The following JARID2 variants were observed in gnomAD, a reference collection of about 807,000 sequenced individuals.
JARID2 encodes the protein protein Jumonji.
In JARID2, 21 loss-of-function variants were observed where a neutral mutation model predicts 125.6. That is an observed-to-expected ratio of 0.17 (90% CI 0.12 to 0.24). The LOEUF (loss-of-function observed/expected upper bound fraction) is 0.24. Among genes scored for constraint, JARID2 ranks in the 10% least tolerant of loss-of-function variants. JARID2 has a pLI of 1.00. For missense variants in JARID2, 1,303 were observed against 1,639.6 expected, an observed-to-expected ratio of 0.79 and a Z score of 3.55; for synonymous variants, 736 against 661.6, an observed-to-expected ratio of 1.11 and a Z score of -1.73.
chr6:15,305,176 A>G (rs1176749623), intron 1 of JARID2, among the ~76,000 whole-genome samples: 4 of 152,166 alleles, frequency 2.6e-5, no homozygotes, highest in African/African-American at 9.7e-5. Flanking sequence ...AATCTTGGCC[A>G]TGTAGCTGGT....
At chr6:15,428,944 A>ACCCC (rs1561857160) in intron 3 of JARID2, among the ~76,000 whole-genome samples, 18 of 144,800 alleles carry the variant, frequency 1.2e-4, no homozygotes, top group African/African-American at 4.5e-4. Flanking sequence ...CCCCCCCAAA[A>ACCCC]AAAAAAAAAA....
chr6:15,251,911 G>A (rs1371895246), intron 1 of JARID2, among the ~76,000 whole-genome samples: 2 of 152,160 alleles, frequency 1.3e-5, no homozygotes, highest in East Asian at 3.8e-4. Context: ...CCAGGAGGCG[G>A]AGGTTGCGGT....
chr6:15,250,311 T>C (rs762522659), intron 1 of JARID2, among the ~76,000 whole-genome samples: 1 of 152,194 alleles, frequency 6.6e-6, no homozygotes, highest in Non-Finnish European at 1.5e-5. Flanking sequence ...TATACAGTGG[T>C]TGGATTTATG....
At chr6:15,309,255 C>A (rs1761933934) in intron 1 of JARID2, among the ~76,000 whole-genome samples, 3 of 152,006 alleles carry the variant, frequency 2.0e-5, no homozygotes, top group Admixed American at 6.6e-5. Context: ...TCAGTTATTT[C>A]TTTTATGAAG....
intron 1 of JARID2, among the ~76,000 whole-genome samples, chr6:15,272,859 A>C (rs1386491536): frequency 6.6e-6 from 1 of 151,958 alleles, no homozygotes; most frequent in African/African-American, 2.4e-5. Context: ...TGTTGTTATG[A>C]TTTTGTTTAT....
At chr6:15,372,434 C>T (rs1764205485) in intron 1 of JARID2, among the ~76,000 whole-genome samples, 2 of 152,154 alleles carry the variant, frequency 1.3e-5, no homozygotes, top group African/African-American at 2.4e-5. Context: ...TCTTGGCTCA[C>T]TGCAACCTCC....
rs970180576 is a variant in JARID2 at position 15,501,997 on chromosome 6, C to T, written c.2448+588C>T. Among the ~76,000 whole-genome samples the T allele has an allele frequency of 2.0e-5, 3 of 152,226 alleles. No individual in the cohort carries two copies. In the East Asian group the frequency reaches 5.8e-4, roughly 29 times the overall value. On this transcript the variant is annotated intron_variant, in intron 8 of 17. Transcript: ENST00000341776. ...GTTTTCTCTGTTTTCTATCCGCTCA[C>T]CTCACTGCCAGCCCAGCGTTGCCAG...
At chr6:15,288,578 G>A (rs951945481) in intron 1 of JARID2, among the ~76,000 whole-genome samples, 3 of 152,058 alleles carry the variant, frequency 2.0e-5, no homozygotes, top group African/African-American at 7.2e-5. Context: ...CACAAGGGTG[G>A]GATTTTATAT....
chr6:15,504,974 T>C (rs2127751626), intron 9 of JARID2, among the ~76,000 whole-genome samples: 1 of 152,322 alleles, frequency 6.6e-6, no homozygotes, highest in Middle Eastern at 3.4e-3. Context: ...GTGCTTTTTC[T>C]TCTCTTCTAT....
At chr6:15,298,979 G>A (rs1001600677) in intron 1 of JARID2, among the ~76,000 whole-genome samples, 2 of 126,138 alleles carry the variant, frequency 1.6e-5, no homozygotes, top group South Asian at 5.4e-4. Context: ...AATGTGTTCT[G>A]AGAATGATTT....
chr6:15,324,489 TTTC>T (rs1417886950), intron 1 of JARID2: 6 of 152,190 alleles, frequency 3.9e-5, no homozygotes, highest in East Asian at 3.9e-4. Context: ...CCCCCTCCTT[TTTC>T]TTCTTCTTTT....
At chr6:15,439,358 A>G (rs947193420) in intron 3 of JARID2, among the ~76,000 whole-genome samples, 7 of 152,078 alleles carry the variant, frequency 4.6e-5, no homozygotes, top group Non-Finnish European at 8.8e-5. Context: ...ATGTCGTGCA[A>G]TTTATTCTCC....
At chr6:15,305,484 A>G (rs1429257658) in intron 1 of JARID2, among the ~76,000 whole-genome samples, 1 of 152,180 alleles carries the variant, frequency 6.6e-6, no homozygotes, top group Non-Finnish European at 1.5e-5. Context: ...CTCTTGCCCT[A>G]CAACATAGCT....
intron 17 of JARID2, among the ~76,000 whole-genome samples, chr6:15,519,339 ACT>A (rs1771719258): frequency 6.6e-6 from 1 of 152,006 alleles, no homozygotes; most frequent in Non-Finnish European, 1.5e-5. Flanking sequence ...GGCACCTTTA[ACT>A]TGTGATGGGA....
intron 1 of JARID2, among the ~76,000 whole-genome samples, chr6:15,268,969 G>A (rs186033820): frequency 5.9e-5 from 9 of 152,296 alleles, no homozygotes; most frequent in Admixed American, 5.9e-4. Flanking sequence ...GTGTGCCCAT[G>A]GCAGGCAAGG....
chr6:15,438,582 T>G (rs1457940693), intron 3 of JARID2, among the ~76,000 whole-genome samples: 1 of 152,184 alleles, frequency 6.6e-6, no homozygotes, highest in African/African-American at 2.4e-5. Context: ...TTATTGTGGT[T>G]CCTCCTGGCA....
chr6:15,283,217 A>AT (rs1760840110), intron 1 of JARID2, among the ~76,000 whole-genome samples: 2 of 144,186 alleles, frequency 1.4e-5, no homozygotes, highest in Non-Finnish European at 1.5e-5. Flanking sequence ...CGACCTTGTG[A>AT]TCTGCCCACC....
intron 1 of JARID2, among the ~76,000 whole-genome samples, chr6:15,302,977 G>T (rs1008689782): frequency 3.3e-5 from 5 of 152,116 alleles, no homozygotes; most frequent in Non-Finnish European, 7.4e-5. Flanking sequence ...ACCCACCTCG[G>T]CCTCCCAAAG....
At chr6:15,368,219 T>C (rs1764044380) in intron 1 of JARID2, among the ~76,000 whole-genome samples, 1 of 152,236 alleles carries the variant, frequency 6.6e-6, no homozygotes, top group Admixed American at 6.5e-5. Context: ...CAGTGGCCTG[T>C]ACAAGGTTTT....
Sources: allele counts gnomAD v4.1 joint callset (sites outside exome capture counted in the v4.1 genomes callset), GRCh38; gene constraint gnomAD v4.1.1; transcripts MANE v1.5; gene names NCBI Gene and HGNC (gene_info 2026-07-23, HGNC 2026-07-21).